CDCA5: variants seen among roughly 807,000 people sequenced by gnomAD.
CDCA5 encodes the protein sororin.
A neutral mutation model predicts 25.7 loss-of-function variants in CDCA5; 14 were observed. The observed-to-expected ratio is 0.54, with a 90% confidence interval of 0.36 to 0.85. The LOEUF is 0.85. CDCA5 is among the 40% of genes least tolerant of loss of function. The probability of loss-of-function intolerance (pLI) is 0.01; values close to 1 mark genes in which losing one functional copy is unlikely to be tolerated. For synonymous variants in CDCA5, 127 were observed against 128.7 expected (o/e 0.99, Z 0.09); for missense variants, 307 against 324.5 (o/e 0.95, Z 0.41).
chr11:65,075,577 G>A (rs1478970954), downstream of CDCA5, among the ~76,000 whole-genome samples: 1 of 151,466 alleles, frequency 6.6e-6, no homozygotes. Context: ...GGGGGATGGG[G>A]CTGGCCACAT....
chr11:65,077,506 C>T lies in CDCA5; in HGVS notation c.*1601G>A, dbSNP rs1030266761. 1 of 985,404 alleles carries T rather than the reference C, an allele frequency of 1.0e-6. No individual in the cohort carries two copies. Among genetic ancestry groups the T allele is most frequent in the African/African-American group, 1.7e-5 (1 of 57,352 alleles). 61.0% of individuals were successfully genotyped at this position (985,404 alleles called of 1,614,324 possible). ...TTTTTTTCCAACTCTAAAACAAAAT[C>T]CCATTTTTTCCTTAAATTTAGTTCC... On this transcript the variant is annotated 3_prime_UTR_variant, in exon 6 of 6. Coordinates refer to ENST00000275517, the MANE Select transcript of CDCA5 (RefSeq NM_080668.4).
downstream of CDCA5, among the ~76,000 whole-genome samples, chr11:65,065,261 T>C (rs1565262139): frequency 6.6e-6 from 1 of 152,128 alleles, no homozygotes; most frequent in Non-Finnish European, 1.5e-5. Context: ...CTTAGAGTTA[T>C]GGGACTTTTT....
chr11:65,069,977 C>T (rs1395659365), intron 1 of CDCA5, among the ~76,000 whole-genome samples: 1 of 152,232 alleles, frequency 6.6e-6, no homozygotes, highest in Non-Finnish European at 1.5e-5. Flanking sequence ...TACAGCGAGC[C>T]CTGGCTGCAA....
At chr11:65,075,757 A>G (rs1947432464), downstream of CDCA5, among the ~76,000 whole-genome samples, 1 of 152,212 alleles carries the variant, frequency 6.6e-6, no homozygotes, top group South Asian at 2.1e-4. Context: ...AGCTCAGGAC[A>G]GTTTTAGGTT....
chr11:65,077,349 G>T, downstream of CDCA5: 1 of 472,800 alleles, frequency 2.1e-6, no homozygotes, highest in Non-Finnish European at 2.8e-6. Context: ...GGGAAGCGGG[G>T]CTGGGAGCGC....
intron 4 of CDCA5, chr11:65,067,538 G>A (rs1947262232): frequency 2.2e-6 from 1 of 447,472 alleles, no homozygotes; most frequent in Admixed American, 2.9e-5. Flanking sequence ...AATTAAAGGT[G>A]GGGGTTCCTG....
downstream of CDCA5, among the ~76,000 whole-genome samples, chr11:65,076,481 A>G (rs1947447623): frequency 6.6e-6 from 1 of 152,214 alleles, no homozygotes; most frequent in South Asian, 2.1e-4. Flanking sequence ...AAGAAGAGGA[A>G]GGTTTCAGAG....
chr11:65,077,599 G>C lies in CDCA5; in HGVS notation c.*1508C>G, dbSNP rs1947472077. Reference sequence around the variant, plus strand: ...CATCTGGTGACTCCTGATTCTGCAGGACTAAGACATTTCCCAAGAGTTCTG... The same window carrying C: ...CATCTGGTGACTCCTGATTCTGCAGCACTAAGACATTTCCCAAGAGTTCTG... On this transcript the variant is annotated 3_prime_UTR_variant, in exon 6 of 6. Coordinates refer to ENST00000275517, the MANE Select transcript of CDCA5 (RefSeq NM_080668.4). 2 of 985,284 alleles carry C rather than the reference G, an allele frequency of 2.0e-6. No homozygotes were observed. Among genetic ancestry groups the C allele is most frequent in the African/African-American group, 3.5e-5 (2 of 57,210 alleles). The allele number at this position is 985,284 out of a possible 1,614,324, so 61.0% of individuals were successfully genotyped here. A position where few individuals can be genotyped will look rare whatever the true frequency, so the allele number is the denominator to read the frequency against.
chr11:65,062,835 C>T (rs1260263752), downstream of CDCA5, among the ~76,000 whole-genome samples: 1 of 152,184 alleles, frequency 6.6e-6, no homozygotes, highest in Non-Finnish European at 1.5e-5. Flanking sequence ...TCTGTGGCTT[C>T]ATTTTTCTCC....
Position 65,068,127 on chromosome 11 carries a change from A to C in CDCA5, c.178-9T>G. ...TGTTCTGAGGAAGGTGGCTTTGCAGAGAAAGCGCCAAGGTGACTGGAGAGG... is the reference window on the plus strand; with the variant it reads ...TGTTCTGAGGAAGGTGGCTTTGCAGCGAAAGCGCCAAGGTGACTGGAGAGG... On this transcript the variant is annotated splice_polypyrimidine_tract_variant and intron_variant, in intron 2 of 6. Transcript: ENST00000525464. 2.3e-6 allele frequency: 3 copies of C among 1,287,398 alleles called. No individual in the cohort carries two copies. The African/African-American group carries it at 4.6e-5, about 20-fold the overall frequency. 79.7% of individuals were successfully genotyped at this position (1,287,398 alleles called of 1,614,324 possible).
At chr11:65,067,678 C>T (rs1488657417) in exon 4 of CDCA5, 3 of 1,289,778 alleles carry the variant, frequency 2.3e-6, no homozygotes, top group Non-Finnish European at 3.0e-6. Flanking sequence ...TCTGCAACTG[C>T]CTGATCTCCT....
chr11:65,083,974 G>T lies in CDCA5; in HGVS notation c.5C>A (p.Ser2Tyr). The T allele has an allele frequency of 6.7e-7, 1 of 1,487,816 alleles. No individual in the cohort carries two copies. The highest frequency in any genetic ancestry group is 8.9e-7 in the Non-Finnish European group (1 of 1,119,094). 92.2% of individuals were successfully genotyped at this position (1,487,816 alleles called of 1,614,324 possible). Reference sequence around the variant, plus strand: ...TCCTCCGGACCGCGTTCGCCTCCCAGACATAACTTAGGCTCCGTCTCGAGC... The same window carrying T: ...TCCTCCGGACCGCGTTCGCCTCCCATACATAACTTAGGCTCCGTCTCGAGC... M[S>Y]GRRTRSGGAA... The change falls in exon 1 of 6, where the codon TCT becomes TAT. Residue 2 changes from serine to tyrosine, a missense_variant. By Grantham distance (144) the Ser-to-Tyr change is moderately radical (BLOSUM62 -2). Transcript: ENST00000275517.
Position 65,079,023 on chromosome 11 carries a change from G to A in CDCA5, c.*84C>T, listed in dbSNP as rs1947500473. 2 of 1,388,358 alleles carry A rather than the reference G, an allele frequency of 1.4e-6. No individual in the cohort carries two copies. The highest frequency in any genetic ancestry group is 1.9e-6 in the Non-Finnish European group (2 of 1,070,408). The allele number at this position is 1,388,358 out of a possible 1,614,324, so 86.0% of individuals were successfully genotyped here. A position where few individuals can be genotyped will look rare whatever the true frequency, so the allele number is the denominator to read the frequency against. ...ACACAGGTAACAAGACCAGGGGAGGGGACCCTAAGTGTCCTCTCCACAGGG... is the reference window on the plus strand; with the variant it reads ...ACACAGGTAACAAGACCAGGGGAGGAGACCCTAAGTGTCCTCTCCACAGGG... On this transcript the variant is annotated 3_prime_UTR_variant, in exon 6 of 6. Coordinates refer to ENST00000275517, the MANE Select transcript of CDCA5 (RefSeq NM_080668.4).
chr11:65,062,511 G>C (rs982235971), downstream of CDCA5, among the ~76,000 whole-genome samples: 4 of 152,158 alleles, frequency 2.6e-5, no homozygotes, highest in African/African-American at 9.7e-5. Flanking sequence ...CAGTGCCTTT[G>C]TGTTGGCAGC....
intron 1 of CDCA5, among the ~76,000 whole-genome samples, chr11:65,071,642 C>T (rs771686269): frequency 6.6e-6 from 1 of 152,198 alleles, no homozygotes; most frequent in African/African-American, 2.4e-5. Flanking sequence ...AAGATTCAGG[C>T]TTAAGTGGGC....
rs948151627 is a variant in CDCA5 at position 65,083,737 on chromosome 11, A to G, written c.47-14T>C. On this transcript the variant is annotated splice_polypyrimidine_tract_variant and intron_variant, in intron 1 of 5. Coordinates refer to ENST00000275517, the MANE Select transcript of CDCA5 (RefSeq NM_080668.4). ...GGGCCCTTGGCCCTGGAAAGAGAAAAAAGTTAAGTGGTAGAGGAGGACTCT... is the reference window on the plus strand; with the variant it reads ...GGGCCCTTGGCCCTGGAAAGAGAAAGAAGTTAAGTGGTAGAGGAGGACTCT... 1.9e-6 allele frequency: 3 copies of G among 1,607,190 alleles called. No individual in the cohort carries two copies. The highest frequency in any genetic ancestry group is 2.7e-5 in the African/African-American group (2 of 74,362).
At chr11:65,079,224 G>A in intron 5 of CDCA5, 37 bp from the exon 6 acceptor site, 1 of 1,555,232 alleles carries the variant, frequency 6.4e-7, no homozygotes, top group Non-Finnish European at 8.7e-7. Flanking sequence ...TGAGTGAGAA[G>A]GGAACATGGT....
At chr11:65,080,784 G>C (rs1947548871) in intron 4 of CDCA5, among the ~76,000 whole-genome samples, 1 of 152,218 alleles carries the variant, frequency 6.6e-6, no homozygotes. Context: ...TGGGAACACA[G>C]CAGGGAATAA....
At chr11:65,083,899 T>G in intron 1 of CDCA5, 34 bp downstream of exon 1, 1 of 1,608,978 alleles carries the variant, frequency 6.2e-7, no homozygotes, top group Non-Finnish European at 8.5e-7. Flanking sequence ...CCCAAACGGC[T>G]CGACCTCACG....
Sources: allele counts gnomAD v4.1 joint callset (sites outside exome capture counted in the v4.1 genomes callset), GRCh38; gene constraint gnomAD v4.1.1; transcripts MANE v1.5; gene names NCBI Gene and HGNC (gene_info 2026-07-23, HGNC 2026-07-21).